TMIGD1: variants seen among roughly 807,000 people sequenced by gnomAD.
TMIGD1 encodes transmembrane and immunoglobulin domain-containing protein 1.
A neutral mutation model predicts 27.5 loss-of-function variants in TMIGD1; 29 were observed. The observed-to-expected ratio is 1.05, with a 90% CI of 0.78 to 1.44. TMIGD1 has a LOEUF of 1.44. Ranked by LOEUF, TMIGD1 falls within the 40% of genes most tolerant of loss-of-function variation. The pLI, the probability that TMIGD1 is intolerant of heterozygous loss-of-function variation, is 0.00. For synonymous variants in TMIGD1, 109 were observed against 110.3 expected, an observed-to-expected ratio of 0.99 and a Z score of 0.07; for missense variants, 334 against 310.6, an observed-to-expected ratio of 1.08 and a Z score of -0.57.
chr17:30,318,861 G>A lies in TMIGD1; in HGVS notation c.693C>T (p.Ile231=), dbSNP rs1211202219. 2 of 1,613,790 alleles carry A rather than the reference G, an allele frequency of 1.2e-6. No homozygotes were observed. Among genetic ancestry groups the A allele is most frequent in the Non-Finnish European group, 1.7e-6 (2 of 1,179,922 alleles). ...IEPIIAACVV[I]FLTLCFGLIA... ...TCAGTCCAAAGCACAATGTCAGAAA[G>A]ATCACAACACATGCAGCAATAATGG... The change falls in exon 5 of 7, where the codon ATC becomes ATT. Residue 231 remains isoleucine, a synonymous_variant. Transcript: ENST00000328886.
chr17:30,324,769 G>A (rs1490942595), intron 4 of TMIGD1, 47 bp downstream of exon 4: 1 of 1,574,488 alleles, frequency 6.4e-7, no homozygotes, highest in Middle Eastern at 1.7e-4. Context: ...CTGAGCATCT[G>A]GTGTGAGTTT....
chr17:30,329,644 A>G, intron 2 of TMIGD1, 115 bp from the exon 3 acceptor site: 1 of 749,192 alleles, frequency 1.3e-6, no homozygotes. Flanking sequence ...TAAACTCTCA[A>G]CGATTAAAAA....
At chr17:30,317,623 G>C (rs1341668742) in intron 5 of TMIGD1, among the ~76,000 whole-genome samples, 1 of 152,004 alleles carries the variant, frequency 6.6e-6, no homozygotes, top group Non-Finnish European at 1.5e-5. Flanking sequence ...AGCCAGGCAT[G>C]GTGCCACATG....
chr17:30,333,524 C>G (rs1027601601), intron 1 of TMIGD1, among the ~76,000 whole-genome samples: 1 of 152,042 alleles, frequency 6.6e-6, no homozygotes, highest in Non-Finnish European at 1.5e-5. Context: ...GTTCTCTCCC[C>G]TTAACACCAG....
At chr17:30,331,936 A>T in intron 2 of TMIGD1, 116 bp downstream of exon 2, 1 of 684,628 alleles carries the variant, frequency 1.5e-6, no homozygotes, top group Non-Finnish European at 2.6e-6. Flanking sequence ...GAGCCATGCT[A>T]ACTGTGTAGT....
chr17:30,319,126 G>A (rs372679754), intron 4 of TMIGD1, among the ~76,000 whole-genome samples: 29 of 150,738 alleles, frequency 1.9e-4, no homozygotes, highest in African/African-American at 5.9e-4. Flanking sequence ...GAATTAGGCC[G>A]GGTGCAGTGG....
rs957200592 is a variant in TMIGD1 at position 30,325,040 on chromosome 17, A to G, written c.416T>C (p.Val139Ala). ...DFQTVEEGSN[V>A]KLVCNVKANP... ...GGCTTTCACATTGCAAACCAACTTC[A>G]CATTACTGCCTTCCTCAACTGTTTG... The change falls in exon 4 of 7, where the codon GTG (valine) becomes GCG (alanine). Residue 139 changes from valine to alanine, a missense_variant. Val to Ala is a moderately conservative substitution (Grantham distance 64). Coordinates refer to ENST00000328886, the MANE Select transcript of TMIGD1 (RefSeq NM_206832.3). 1 of 1,614,080 alleles carries G rather than the reference A, an allele frequency of 6.2e-7. No individual in the cohort carries two copies. The highest frequency in any genetic ancestry group is 8.5e-7 in the Non-Finnish European group (1 of 1,179,980).
At chr17:30,325,404 G>C (rs1433386414) in intron 3 of TMIGD1, among the ~76,000 whole-genome samples, 1 of 152,144 alleles carries the variant, frequency 6.6e-6, no homozygotes, top group Non-Finnish European at 1.5e-5. Flanking sequence ...TAAGCCTTGA[G>C]TCTTTCTTCT....
intron 4 of TMIGD1, among the ~76,000 whole-genome samples, chr17:30,321,328 A>G (rs1909613765): frequency 1.3e-5 from 2 of 152,270 alleles, no homozygotes; most frequent in Admixed American, 6.5e-5. Context: ...AACAAAGTAA[A>G]AGTGCTTCAG....
chr17:30,317,214 T>G lies in TMIGD1; in HGVS notation c.764A>C (p.Asp255Ala), dbSNP rs1909442933. Residue 255 changes from aspartate to alanine, a missense_variant, in exon 6 of 7, where the codon GAC becomes GCC. Coordinates refer to ENST00000328886, the MANE Select transcript of TMIGD1 (RefSeq NM_206832.3). ...TTACAGAGCTGTTTCACTGTGAGGG[T>G]CTTTATCCTTCATGCAGAGCTAAAA... ...KIMKLCMKDKDPHSETAL is the reference protein window; with the variant it reads ...KIMKLCMKDKAPHSETAL 1 of 1,613,912 alleles carries G rather than the reference T, an allele frequency of 6.2e-7. No homozygotes were observed. The highest frequency in any genetic ancestry group is 1.3e-5 in the African/African-American group (1 of 74,888).
chr17:30,318,823 T>C lies in TMIGD1; in HGVS notation c.731A>G (p.Lys244Arg), dbSNP rs1471221200. The change falls in exon 5 of 7, where the codon AAG (lysine) becomes AGG (arginine). Residue 244 changes from lysine to arginine, a missense_variant. By Grantham distance (26) the Lys-to-Arg change is conservative. Coordinates refer to ENST00000328886, the MANE Select transcript of TMIGD1 (RefSeq NM_206832.3). The stretch of plus-strand genomic sequence containing the variant: ...ATACTTAGATACCTTCATTATTTTC[T>C]TTCTTCTAGCAATCAGTCCAAAGCA... ...TLCFGLIARR[K>R]KIMKLCMKDK... is the part of the protein sequence containing the mutation. 3 of 1,612,302 alleles carry C rather than the reference T, an allele frequency of 1.9e-6. No homozygotes were observed. Among genetic ancestry groups the C allele is most frequent in the African/African-American group, 2.7e-5 (2 of 74,892 alleles).
Position 30,318,843 on chromosome 17 carries a change from A to G in TMIGD1, c.711T>C (p.Phe237=), listed in dbSNP as rs756908398. The change falls in exon 5 of 7, where the codon TTT becomes TTC. Residue 237 remains phenylalanine, a synonymous_variant. Transcript: ENST00000328886. ...ACVVIFLTLC[F]GLIARRKKIM... is the part of the protein sequence containing the mutation. ...TTTTCTTTCTTCTAGCAATCAGTCC[A>G]AAGCACAATGTCAGAAAGATCACAA... 1 of 1,613,988 alleles carries G rather than the reference A, an allele frequency of 6.2e-7. No individual in the cohort carries two copies.
Position 30,319,261 on chromosome 17 carries a change from A to AAATAT in TMIGD1, c.641-349_641-348insATATT. ...TGTAAAAAAAAAAGAAAAAAAAAAA[A>AAATAT]ATATATATATATATATAGCTGGGCA... On this transcript the variant is annotated intron_variant, in intron 4 of 6. Coordinates refer to ENST00000328886, the MANE Select transcript of TMIGD1 (RefSeq NM_206832.3). 1.2e-4 allele frequency among the ~76,000 whole-genome samples: 8 copies of AAATAT among 69,046 alleles called. 1 individual carries two copies. The highest frequency in any genetic ancestry group is 7.2e-4 in the African/African-American group (8 of 11,036). 45.3% of individuals were successfully genotyped at this position (69,046 alleles called of 152,430 possible). A position where few individuals can be genotyped will look rare whatever the true frequency, so the allele number is the denominator to read the frequency against.
Position 30,329,439 on chromosome 17 carries a change from T to A in TMIGD1, c.173A>T (p.Asn58Ile). The A allele has an allele frequency of 6.2e-7, 1 of 1,614,208 alleles. No individual in the cohort carries two copies. Among genetic ancestry groups the A allele is most frequent in the Non-Finnish European group, 8.5e-7 (1 of 1,180,036 alleles). ...SQASLICAVQ[N>I]HTREEELLWY... ...GAGCAGTTCTTCCTCTCTGGTGTGG[T>A]TTTGAACAGCACATATCAGAGATGC... is the stretch of plus-strand genomic sequence containing the variant. Residue 58 changes from asparagine (N) to isoleucine (I), a missense_variant, in exon 3 of 7, where the codon AAC becomes ATC. Transcript: ENST00000328886.
At position 30,329,233 on chromosome 17, in the gene TMIGD1, T is replaced by C; in HGVS notation, c.361+18A>G. 6.2e-7 allele frequency: 1 copy of C among 1,609,026 alleles called. No individual in the cohort carries two copies. Among genetic ancestry groups the C allele is most frequent in the Non-Finnish European group, 8.5e-7 (1 of 1,176,140 alleles). ...AGACATTACAGACCCACTAGCTGTT[T>C]CTTTTCCCCTCACTCACAAGTAACA... On this transcript the variant is annotated intron_variant, in intron 3 of 6. Coordinates refer to ENST00000328886, the MANE Select transcript of TMIGD1 (RefSeq NM_206832.3).
chr17:30,322,196 T>G (rs1019111908), intron 4 of TMIGD1, among the ~76,000 whole-genome samples: 11 of 152,192 alleles, frequency 7.2e-5, no homozygotes, highest in Admixed American at 2.6e-4. Flanking sequence ...ATTTTTGCCC[T>G]CTCTTAGCTG....
At chr17:30,320,606 T>G (rs1170349037) in intron 4 of TMIGD1, among the ~76,000 whole-genome samples, 1 of 152,188 alleles carries the variant, frequency 6.6e-6, no homozygotes, top group Non-Finnish European at 1.5e-5. Context: ...TCTATACAAG[T>G]TATAAAAATT....
At chr17:30,322,079 C>T (rs1387240033) in intron 4 of TMIGD1, among the ~76,000 whole-genome samples, 3 of 152,162 alleles carry the variant, frequency 2.0e-5, no homozygotes, top group Non-Finnish European at 2.9e-5. Context: ...CCCTCCCGCT[C>T]GGTCTCCCAA....
intron 4 of TMIGD1, among the ~76,000 whole-genome samples, 186 bp downstream of exon 4, chr17:30,324,630 G>A (rs1909714657): frequency 6.6e-6 from 1 of 152,174 alleles, no homozygotes; most frequent in African/African-American, 2.4e-5. Context: ...TATGGAATGG[G>A]CATGATTTCC....
Sources: gnomAD v4.1 joint callset for allele counts (sites outside exome capture counted in the v4.1 genomes callset) on GRCh38, gnomAD v4.1.1 for gene constraint, MANE v1.5 for transcripts, NCBI Gene and HGNC (gene_info 2026-07-23, HGNC 2026-07-21) for gene names.